Variants in SPRY3 observed in about 807,000 individuals in gnomAD.
The protein encoded by SPRY3 is protein sprouty homolog 3.
SPRY3 carries 15 observed loss-of-function variants against 20.2 expected under a neutral mutation model. That is an observed-to-expected ratio of 0.74 (90% CI 0.50 to 1.14). The LOEUF (loss-of-function observed/expected upper bound fraction) is 1.14, where lower values mean the gene tolerates loss of function less well. SPRY3 is among the 50% of genes most tolerant of loss of function. The pLI is 0.00. For synonymous variants in SPRY3, 143 were observed against 136.5 expected (o/e 1.05, Z -0.33); for missense variants, 364 against 363.9 (o/e 1.00, Z 0.00).
rs1490230677 is a variant in SPRY3, at chrX:155,622,086, C to T, written c.-441+9439C>T. ...ATGTAGAAGCAATTTCAAACCAACA[C>T]CTGTGCTTGTCAGAGCATGATGGGC... On this transcript the variant is annotated intron_variant, in intron 1 of 3. Transcript: ENST00000675360. Among the ~76,000 whole-genome samples, 7 of 111,969 alleles carry T rather than the reference C, an allele frequency of 6.3e-5. No homozygotes were observed. In the East Asian group the frequency reaches 1.7e-3, roughly 27 times the overall value.
intron 2 of SPRY3, among the ~76,000 whole-genome samples, chrX:155,718,213 G>GA (rs1168667864): frequency 1.3e-5 from 2 of 152,020 alleles, no homozygotes; most frequent in Non-Finnish European, 2.9e-5. Flanking sequence ...TGCCACAACT[G>GA]AAAGTCTTAT....
chrX:155,633,377 A>G (rs111870617), intron 1 of SPRY3, among the ~76,000 whole-genome samples: 87 of 76,623 alleles, frequency 1.1e-3, no homozygotes, highest in African/African-American at 4.8e-3. Context: ...CGTCTCTACT[A>G]AAAAAAAAAA....
intron 2 of SPRY3, among the ~76,000 whole-genome samples, chrX:155,705,438 A>T (rs988236662): frequency 1.3e-5 from 2 of 151,492 alleles, no homozygotes; most frequent in Non-Finnish European, 1.5e-5. Flanking sequence ...GCAGAAAAGG[A>T]AGAATAATGA....
chrX:155,766,990 A>G (rs1043841005), intron 2 of SPRY3, among the ~76,000 whole-genome samples: 42 of 152,160 alleles, frequency 2.8e-4, no homozygotes, highest in African/African-American at 9.2e-4. Flanking sequence ...CACTCGGCAC[A>G]GGCTGAGTAG....
chrX:155,734,647 C>A (rs752782638), intron 2 of SPRY3, among the ~76,000 whole-genome samples: 12 of 149,750 alleles, frequency 8.0e-5, no homozygotes, highest in Middle Eastern at 3.4e-3. Context: ...GAAAAAAAAA[C>A]ACACACACAC....
chrX:155,759,870 C>A (rs1395806016), intron 2 of SPRY3, among the ~76,000 whole-genome samples: 1 of 152,116 alleles, frequency 6.6e-6, no homozygotes, highest in African/African-American at 2.4e-5. Context: ...GCAGTACATG[C>A]TCTGACAACA....
intron 2 of SPRY3, among the ~76,000 whole-genome samples, chrX:155,765,488 A>G (rs999589964): frequency 6.6e-6 from 1 of 152,228 alleles, no homozygotes; most frequent in African/African-American, 2.4e-5. Context: ...CACCTGGCAA[A>G]GAGTAAACAT....
intron 2 of SPRY3, among the ~76,000 whole-genome samples, chrX:155,756,879 G>A (rs912559789): frequency 1.3e-5 from 2 of 152,038 alleles, no homozygotes; most frequent in African/African-American, 2.4e-5. Context: ...TAGAAAATGG[G>A]TATTTTGATG....
chrX:155,733,374 A>G (rs2091147215), intron 2 of SPRY3, among the ~76,000 whole-genome samples: 1 of 150,594 alleles, frequency 6.6e-6, no homozygotes, highest in African/African-American at 2.4e-5. Context: ...TAATGTATAT[A>G]TACATGCTGA....
chrX:155,757,314 T>C (rs2091287190), intron 2 of SPRY3, among the ~76,000 whole-genome samples: 1 of 152,118 alleles, frequency 6.6e-6, no homozygotes, highest in African/African-American at 2.4e-5. Flanking sequence ...TACTGTTTCC[T>C]CTCTGTGGGA....
At chrX:155,759,527 C>T (rs1259968912) in intron 2 of SPRY3, among the ~76,000 whole-genome samples, 1 of 151,756 alleles carries the variant, frequency 6.6e-6, no homozygotes, top group African/African-American at 2.4e-5. Flanking sequence ...AATAACATAT[C>T]GCTATATATA....
chrX:155,779,273 G>C (rs1264890329), downstream of SPRY3: 2 of 167,068 alleles, frequency 1.2e-5, no homozygotes, highest in Non-Finnish European at 2.9e-5. Flanking sequence ...AGTAAGGCAA[G>C]TATATGAATA....
At chrX:155,636,144 G>A (rs781829617) in intron 1 of SPRY3, among the ~76,000 whole-genome samples, 13 of 111,502 alleles carry the variant, frequency 1.2e-4, no homozygotes, top group African/African-American at 4.2e-4. Flanking sequence ...TGGAAGTTGA[G>A]ACTGCCACCC....
chrX:155,717,655 T>C (rs2091031976), intron 2 of SPRY3, among the ~76,000 whole-genome samples: 1 of 151,364 alleles, frequency 6.6e-6, no homozygotes, highest in Non-Finnish European at 1.5e-5. Flanking sequence ...GAACATGTGG[T>C]GTTTGGTTTT....
chrX:155,732,467 G>A (rs1051198772), intron 2 of SPRY3, among the ~76,000 whole-genome samples: 1 of 152,016 alleles, frequency 6.6e-6, no homozygotes, highest in Non-Finnish European at 1.5e-5. Context: ...TCTCAGCCCA[G>A]TTAAAATTGA....
At chrX:155,770,212 C>T (rs1051383659) in intron 3 of SPRY3, among the ~76,000 whole-genome samples, 2 of 152,196 alleles carry the variant, frequency 1.3e-5, no homozygotes, top group African/African-American at 4.8e-5. Context: ...CATACTGTAT[C>T]GGAAAGGATT....
rs782313335 is a variant in SPRY3 at position 155,633,603 on chromosome X, T to A, written c.-441+20956T>A. ...GGGGATATTAGACACTAGCTCTGAA[T>A]TGATGTTAATTTCTGAGAACCCACA... On this transcript the variant is annotated intron_variant, in intron 1 of 3. Coordinates refer to ENST00000675360, the Ensembl canonical transcript of SPRY3. Among the ~76,000 whole-genome samples the A allele has an allele frequency of 2.7e-5, 3 of 110,828 alleles. No individual in the cohort carries two copies. The South Asian group carries it at 1.2e-3, about 43-fold the overall frequency.
At chrX:155,618,061 T>C (rs1557349078) in intron 1 of SPRY3, among the ~76,000 whole-genome samples, 1 of 112,071 alleles carries the variant, frequency 8.9e-6, no homozygotes, top group African/African-American at 3.2e-5. Context: ...TATGTGTGTG[T>C]GTGTAGTTGT....
chrX:155,660,202 A>G (rs2068005567), intron 2 of SPRY3, among the ~76,000 whole-genome samples: 1 of 111,639 alleles, frequency 9.0e-6, no homozygotes, highest in Non-Finnish European at 1.9e-5. Flanking sequence ...GCTGTATCCC[A>G]GGATCTTTGG....
Sources: allele counts gnomAD v4.1 joint callset (sites outside exome capture counted in the v4.1 genomes callset), GRCh38; gene constraint gnomAD v4.1.1; transcripts MANE v1.5; gene names NCBI Gene and HGNC (gene_info 2026-07-23, HGNC 2026-07-21).